TCERG1: variants seen among roughly 807,000 people sequenced by gnomAD.
The protein encoded by TCERG1 is TATA box binding protein (TBP)-associated factor, RNA polymerase II, S, 150kD.
TCERG1 carries 37 observed loss-of-function variants against 144.7 expected under a neutral mutation model. The observed-to-expected ratio is 0.26, with a 90% CI of 0.20 to 0.34. The LOEUF is 0.34. TCERG1 is among the 10% of genes least tolerant of loss of function. The probability of loss-of-function intolerance (pLI) is 1.00; values close to 1 mark genes in which losing one functional copy is unlikely to be tolerated. For synonymous variants in TCERG1, 492 were observed against 458.2 expected (o/e 1.07, Z -0.94); for missense variants, 1,027 against 1,380.7 (o/e 0.74, Z 4.06).
intron 15 of TCERG1, among the ~76,000 whole-genome samples, chr5:146,485,303 C>T (rs1480746154): frequency 6.6e-6 from 1 of 152,132 alleles, no homozygotes; most frequent in Non-Finnish European, 1.5e-5. Context: ...TTTGCCTTTT[C>T]TAATTTCTTT....
At chr5:146,491,213 C>T (rs148043005) in intron 15 of TCERG1, among the ~76,000 whole-genome samples, 132 of 151,968 alleles carry the variant, frequency 8.7e-4, no homozygotes, top group African/African-American at 2.9e-3. Flanking sequence ...TCTTGAACTC[C>T]TGAGCTCAAA....
chr5:146,502,775 A>G (rs972495308), intron 17 of TCERG1, among the ~76,000 whole-genome samples: 2 of 152,184 alleles, frequency 1.3e-5, no homozygotes, highest in Admixed American at 1.3e-4. Flanking sequence ...AAATTCTGTA[A>G]CTTTCTCACA....
chr5:146,476,987 C>T (rs1296866885), intron 9 of TCERG1, among the ~76,000 whole-genome samples: 1 of 152,096 alleles, frequency 6.6e-6, no homozygotes, highest in African/African-American at 2.4e-5. Flanking sequence ...AGGTTTCAAA[C>T]TGCTGGCTTC....
intron 1 of TCERG1, among the ~76,000 whole-genome samples, chr5:146,451,739 A>AAC (rs1561626782): frequency 7.5e-6 from 1 of 133,766 alleles, no homozygotes; most frequent in Admixed American, 7.4e-5. Flanking sequence ...TCCTGGTTAT[A>AAC]CCAGGACTGT....
At chr5:146,494,196 C>T (rs1212891445) in intron 16 of TCERG1, among the ~76,000 whole-genome samples, 2 of 151,818 alleles carry the variant, frequency 1.3e-5, no homozygotes, top group Non-Finnish European at 2.9e-5. Flanking sequence ...TTTTGGGGGG[C>T]AGTTGAGGTC....
rs1768240456 is a variant in TCERG1, at chr5:146,509,050, GACTT to G, written c.3046-92_3046-89del. 8.5e-6 allele frequency: 5 copies of G among 587,482 alleles called. No individual in the cohort carries two copies. In the East Asian group the frequency reaches 1.6e-4, roughly 18 times the overall value. The allele number at this position is 587,482 out of a possible 1,614,324, so 36.4% of individuals were successfully genotyped here. ...TTTTGAATTTTAAATTTTATTATGT[GACTT>G]ACACATTACTGTTTAATAAATAATT... On this transcript the variant is annotated intron_variant, in intron 21 of 22. Coordinates refer to ENST00000679501, the MANE Select transcript of TCERG1 (RefSeq NM_001382548.1).
intron 1 of TCERG1, among the ~76,000 whole-genome samples, chr5:146,451,288 CCTT>C (rs1262429742): frequency 1.3e-5 from 2 of 150,566 alleles, no homozygotes; most frequent in African/African-American, 4.9e-5. Flanking sequence ...TTGAAAAAGA[CCTT>C]CTGATTATTT....
At chr5:146,473,422 C>T (rs1382242976) in intron 9 of TCERG1, among the ~76,000 whole-genome samples, 1 of 152,302 alleles carries the variant, frequency 6.6e-6, no homozygotes, top group East Asian at 1.9e-4. Flanking sequence ...GCAGCACGTG[C>T]TGATGTAGAA....
At chr5:146,492,839 C>T in intron 15 of TCERG1, 81 bp from the exon 16 acceptor site, 1 of 984,362 alleles carries the variant, frequency 1.0e-6, no homozygotes, top group Non-Finnish European at 1.6e-6. Flanking sequence ...ATAGTTTGGA[C>T]AAAGACATTG....
At chr5:146,509,078 T>C in intron 21 of TCERG1, 67 bp from the exon 22 acceptor site, 1 of 849,012 alleles carries the variant, frequency 1.2e-6, no homozygotes, top group Non-Finnish European at 1.8e-6. Flanking sequence ...TAATAAATAA[T>C]TGATGTTTAT....
At chr5:146,462,001 T>C (rs964377154) in intron 4 of TCERG1, 18 of 152,630 alleles carry the variant, frequency 1.2e-4, no homozygotes, top group Admixed American at 7.9e-4. Flanking sequence ...TATATTAATA[T>C]GATACTGTAC....
In TCERG1 at chr5:146,454,416, T is replaced by C. The variant is rs181229129; in HGVS notation, c.60-640T>C. Among the ~76,000 whole-genome samples the C allele has an allele frequency of 6.6e-5, 10 of 152,182 alleles. No individual in the cohort carries two copies. In the East Asian group the frequency reaches 1.9e-3, roughly 29 times the overall value. On this transcript the variant is annotated intron_variant, in intron 1 of 22. Coordinates refer to ENST00000679501, the MANE Select transcript of TCERG1 (RefSeq NM_001382548.1). ...CCTAATTTCCTTATTACGTAGATTA[T>C]GTAGAGTGTTTTTTTTTTCATCCTT...
At chr5:146,483,668 T>TTGCATATCTCG in intron 15 of TCERG1, 39 bp downstream of exon 15, 1 of 1,474,448 alleles carries the variant, frequency 6.8e-7, no homozygotes, top group Non-Finnish European at 9.3e-7. Flanking sequence ...TGTATATCTC[T>TTGCATATCTCG]TGCCAACATA....
chr5:146,493,605 A>G (rs572244594), intron 16 of TCERG1, among the ~76,000 whole-genome samples: 14 of 152,268 alleles, frequency 9.2e-5, no homozygotes, highest in African/African-American at 1.4e-4. Flanking sequence ...ATACATTTAC[A>G]TGTAAACATG....
Position 146,489,068 on chromosome 5 carries a change from T to TA in TCERG1, c.2164-3851dup, listed in dbSNP as rs1265778006. On this transcript the variant is annotated intron_variant, in intron 15 of 22. Coordinates refer to ENST00000679501, the MANE Select transcript of TCERG1 (RefSeq NM_001382548.1). ...GAGGGGTAGGGAGAACTTGGGAGGATAGGAAGAGATTTGTTAAAGGATACA... is the reference window on the plus strand; with the variant it reads ...GAGGGGTAGGGAGAACTTGGGAGGATAAGGAAGAGATTTGTTAAAGGATACA... Among the ~76,000 whole-genome samples, 9 of 152,080 alleles carry TA rather than the reference T, an allele frequency of 5.9e-5. No individual in the cohort carries two copies. The East Asian group carries it at 9.6e-4, about 16-fold the overall frequency.
Position 146,469,702 on chromosome 5 carries a change from T to C in TCERG1, c.1357T>C (p.Leu453=). ...GKTYYYNNRT[L]ESTWEKPQEL... is the part of the protein sequence containing the mutation. ...GACATATTATTATAATAATAGAACATTAGAATCAACCTGGGAAAAACCCCA... is the reference window on the plus strand; with the variant it reads ...GACATATTATTATAATAATAGAACACTAGAATCAACCTGGGAAAAACCCCA... The change falls in exon 7 of 23, where the codon TTA becomes CTA. Residue 453 remains leucine, a synonymous_variant. Transcript: ENST00000679501. 1 of 1,610,642 alleles carries C rather than the reference T, an allele frequency of 6.2e-7. No individual in the cohort carries two copies. The highest frequency in any genetic ancestry group is 2.2e-5 in the East Asian group (1 of 44,660).
At chr5:146,469,472 C>G in intron 6 of TCERG1, 72 bp from the exon 7 acceptor site, 1 of 1,238,894 alleles carries the variant, frequency 8.1e-7, no homozygotes, top group Non-Finnish European at 1.1e-6. Flanking sequence ...AAAGATTTAG[C>G]TCATATTTTA....
Position 146,503,738 on chromosome 5 carries a change from A to G in TCERG1, c.2599-86A>G, listed in dbSNP as rs1367744518. 6 of 1,482,250 alleles carry G rather than the reference A, an allele frequency of 4.0e-6. No individual in the cohort carries two copies. In the Admixed American group the frequency reaches 1.4e-4, roughly 34 times the overall value. 91.8% of individuals were successfully genotyped at this position (1,482,250 alleles called of 1,614,324 possible). ...ATTCTGGGCAAAAACTAGATTTGGA[A>G]TTTTTTATTTGGCAAGCTAGTTATT... On this transcript the variant is annotated intron_variant, in intron 18 of 22. Transcript: ENST00000679501.
intron 14 of TCERG1, 97 bp downstream of exon 14, chr5:146,482,824 A>C: frequency 6.7e-6 from 9 of 1,341,394 alleles, no homozygotes; most frequent in Admixed American, 2.8e-5. Flanking sequence ...TGCTCATGTT[A>C]TGGGGGGGGA....
Sources: allele counts gnomAD v4.1 joint callset (sites outside exome capture counted in the v4.1 genomes callset), GRCh38; gene constraint gnomAD v4.1.1; transcripts MANE v1.5; gene names NCBI Gene and HGNC (gene_info 2026-07-23, HGNC 2026-07-21).